DCAF6: variants seen among roughly 807,000 people sequenced by gnomAD.
DCAF6 encodes the protein DDB1- and CUL4-associated factor 6.
DCAF6 carries 54 observed loss-of-function variants against 125.1 expected under a neutral mutation model. That is an observed-to-expected ratio of 0.43 (90% CI 0.35 to 0.54). DCAF6 has a LOEUF of 0.54. Among genes scored for constraint, DCAF6 ranks in the 20% least tolerant of loss-of-function variants. The pLI is 0.01. For missense variants in DCAF6, 934 were observed against 1,161.7 expected (o/e 0.80, Z 2.85); for synonymous variants, 371 against 390.4 (o/e 0.95, Z 0.58).
intron 17 of DCAF6, among the ~76,000 whole-genome samples, chr1:168,055,418 G>A (rs1690559997): frequency 2.2e-5 from 1 of 44,520 alleles, no homozygotes; most frequent in Non-Finnish European, 3.5e-5. Flanking sequence ...TATAAAAATA[G>A]CACCAGCAAA....
At chr1:167,923,493 G>C in the DCAF6 span, among the ~76,000 whole-genome samples, 1 of 152,154 alleles carries the variant, frequency 6.6e-6, no homozygotes, top group Non-Finnish European at 1.5e-5. Context: ...ACTTAGAGTA[G>C]TGAAATTCAT....
the DCAF6 span, chr1:167,878,547 G>A: frequency 6.2e-7 from 1 of 1,614,120 alleles, no homozygotes; most frequent in Admixed American, 1.7e-5. Flanking sequence ...CTGGTAGGTT[G>A]CTCCCATTGT....
chr1:168,017,021 A>C (rs1557982432), intron 11 of DCAF6, among the ~76,000 whole-genome samples: 1 of 152,032 alleles, frequency 6.6e-6, no homozygotes, highest in Non-Finnish European at 1.5e-5. Context: ...AAATTAAATA[A>C]ATTTAAGTCA....
chr1:167,880,511 G>T, the DCAF6 span: 1 of 1,613,894 alleles, frequency 6.2e-7, no homozygotes, highest in Non-Finnish European at 8.5e-7. Flanking sequence ...GGACTTGAGA[G>T]CAGAAGTCAA....
At position 167,966,679 on chromosome 1, in the gene DCAF6, A is replaced by C; in HGVS notation, c.210A>C (p.Ser70=). The C allele has an allele frequency of 6.2e-7, 1 of 1,605,398 alleles. No individual in the cohort carries two copies. Among genetic ancestry groups the C allele is most frequent in the Non-Finnish European group, 8.5e-7 (1 of 1,172,778 alleles). Residue 70 remains serine, a synonymous_variant, in exon 3 of 22, where the codon TCA becomes TCC. Coordinates refer to ENST00000367840, the MANE Select transcript of DCAF6 (RefSeq NM_001198956.2). ...NDTGEYILSG[S]DDTKLVISNP... is the part of the protein sequence containing the mutation. ...CTGGAGAATATATTTTATCTGGCTC[A>C]GATGACACCAAATTAGTAATTAGTA...
chr1:167,924,348 C>A, the DCAF6 span: 1 of 572,338 alleles, frequency 1.7e-6, no homozygotes, highest in Non-Finnish European at 2.9e-6. Context: ...ATGTAGAAAA[C>A]GATATGTCTG....
chr1:167,995,278 G>A lies in DCAF6; in HGVS notation c.903+1838G>A, dbSNP rs1571857594. On this transcript the variant is annotated intron_variant, in intron 7 of 21. Transcript: ENST00000367840. ...TAGCCAAAAGATATTTATATAATCA[G>A]AGTGAATGAGGCTGAGTCATGAACA... 2.6e-5 allele frequency among the ~76,000 whole-genome samples: 4 copies of A among 152,196 alleles called. No homozygotes were observed. In the East Asian group the frequency reaches 5.8e-4, roughly 22 times the overall value.
At chr1:167,938,962 A>C (rs531368981) in intron 1 of DCAF6, among the ~76,000 whole-genome samples, 1 of 152,364 alleles carries the variant, frequency 6.6e-6, no homozygotes, top group Admixed American at 6.5e-5. Context: ...GTATACATAC[A>C]GGGAGTTCTT....
chr1:167,944,159 ATGGCTGAATAG>A (rs1672704442), intron 1 of DCAF6, among the ~76,000 whole-genome samples: 1 of 152,130 alleles, frequency 6.6e-6, no homozygotes, highest in African/African-American at 2.4e-5. Context: ...ATTCTTTGTT[ATGGCTGAATAG>A]TATTCCATTG....
chr1:167,975,020 G>T lies in DCAF6; in HGVS notation c.438+5G>T. The T allele has an allele frequency of 6.4e-7, 1 of 1,557,176 alleles. No individual in the cohort carries two copies. The highest frequency in any genetic ancestry group is 8.7e-7 in the Non-Finnish European group (1 of 1,151,570). On this transcript the variant is annotated splice_donor_5th_base_variant and intron_variant, in intron 4 of 21. Coordinates refer to ENST00000367840, the MANE Select transcript of DCAF6 (RefSeq NM_001198956.2). ...CATTATGGAACTACTTATGAGGTAT[G>T]GTATTATTATGATTATATGATATAT...
In DCAF6 at chr1:167,947,788, A is replaced by G. The variant is rs184208395; in HGVS notation, c.98-4012A>G. Among the ~76,000 whole-genome samples, 596 of 152,342 alleles carry G rather than the reference A, an allele frequency of 3.9e-3. 9 individuals carry two copies. Among genetic ancestry groups the G allele is most frequent in the African/African-American group, 0.013 (542 of 41,584 alleles). On this transcript the variant is annotated intron_variant, in intron 1 of 21. Coordinates refer to ENST00000367840, the MANE Select transcript of DCAF6 (RefSeq NM_001198956.2). ...TTGAGACTTTGTTTTGTGGCTTAAC[A>G]TATGGTCTGTCTTGGAGAATGTTCC...
intron 17 of DCAF6, among the ~76,000 whole-genome samples, chr1:168,051,915 C>G (rs1689989471): frequency 6.7e-6 from 1 of 148,286 alleles, no homozygotes. Flanking sequence ...TAGCCTTGCT[C>G]TGTTGCCCAG....
At chr1:168,000,697 A>G (rs1398735497) in intron 7 of DCAF6, among the ~76,000 whole-genome samples, 1 of 152,180 alleles carries the variant, frequency 6.6e-6, no homozygotes, top group East Asian at 1.9e-4. Context: ...CTGCTACAAT[A>G]TGAATAAACC....
At chr1:167,929,157 G>A in the DCAF6 span, among the ~76,000 whole-genome samples, 2 of 151,538 alleles carry the variant, frequency 1.3e-5, no homozygotes, top group Non-Finnish European at 2.9e-5. Context: ...TGGGGAGTTT[G>A]AGACTAGCCT....
In DCAF6 at chr1:168,071,480, A is replaced by G. The variant is rs547082077; in HGVS notation, c.2791+3017A>G. On this transcript the variant is annotated intron_variant, in intron 21 of 21. Transcript: ENST00000367840. Reference sequence around the variant, plus strand: ...AAAAAAATTATAAATACAAAAATACAAAAATTAGCTGGACGTGATGGTGCA... The same window carrying G: ...AAAAAAATTATAAATACAAAAATACGAAAATTAGCTGGACGTGATGGTGCA... Among the ~76,000 whole-genome samples the G allele has an allele frequency of 2.0e-4, 31 of 152,208 alleles. No individual in the cohort carries two copies. The South Asian group carries it at 6.0e-3, about 30-fold the overall frequency.
At chr1:167,927,152 G>T in the DCAF6 span, among the ~76,000 whole-genome samples, 1 of 152,160 alleles carries the variant, frequency 6.6e-6, no homozygotes, top group Non-Finnish European at 1.5e-5. Context: ...ACCCAGATTT[G>T]CCTCGACACT....
intron 21 of DCAF6, among the ~76,000 whole-genome samples, chr1:168,072,219 C>G (rs574300971): frequency 1.3e-3 from 181 of 135,512 alleles, no homozygotes; most frequent in African/African-American, 4.7e-3. Flanking sequence ...ATCGCCTGAA[C>G]CCAGGAGGTG....
At chr1:167,932,239 A>C (rs1199925024), upstream of DCAF6, among the ~76,000 whole-genome samples, 1 of 152,164 alleles carries the variant, frequency 6.6e-6, no homozygotes, top group Non-Finnish European at 1.5e-5. Context: ...AAACAATTTG[A>C]GTATACATCC....
At chr1:167,985,745 A>T (rs898144412) in intron 4 of DCAF6, among the ~76,000 whole-genome samples, 8 of 152,170 alleles carry the variant, frequency 5.3e-5, no homozygotes, top group Non-Finnish European at 1.0e-4. Flanking sequence ...TTCCAAGTAA[A>T]TTTTTAAAAA....
Sources: allele counts gnomAD v4.1 joint callset (sites outside exome capture counted in the v4.1 genomes callset), GRCh38; gene constraint gnomAD v4.1.1; transcripts MANE v1.5; gene names NCBI Gene and HGNC (gene_info 2026-07-23, HGNC 2026-07-21).